ARMC2: variants seen among roughly 807,000 people sequenced by gnomAD.
The protein encoded by ARMC2 is armadillo repeat containing 2, also known as armadillo repeat-containing protein 2.
A neutral mutation model predicts 90.3 loss-of-function variants in ARMC2; 67 were observed. That is an observed-to-expected ratio of 0.74 (90% confidence interval 0.61 to 0.91). The LOEUF (loss-of-function observed/expected upper bound fraction) is 0.91. ARMC2 is among the 40% of genes least tolerant of loss of function. ARMC2 has a pLI of 0.00. For missense variants in ARMC2, 920 were observed against 1,030.9 expected, an observed-to-expected ratio of 0.89 and a Z score of 1.47; for synonymous variants, 393 against 393.0, an observed-to-expected ratio of 1.00 and a Z score of 0.00.
chr6:108,937,593 T>C (rs943914187), intron 12 of ARMC2, among the ~76,000 whole-genome samples: 5 of 152,212 alleles, frequency 3.3e-5, no homozygotes, highest in Non-Finnish European at 5.9e-5. Context: ...TTAGTTTTAA[T>C]GAATCAAGGC....
chr6:108,864,393 C>T (rs1453562751), intron 3 of ARMC2, among the ~76,000 whole-genome samples: 3 of 151,750 alleles, frequency 2.0e-5, no homozygotes, highest in Non-Finnish European at 4.4e-5. Context: ...GGACTACAGG[C>T]GCCCACCACC....
At chr6:108,858,601 G>T (rs967493565) in intron 3 of ARMC2, among the ~76,000 whole-genome samples, 3 of 150,220 alleles carry the variant, frequency 2.0e-5, no homozygotes, top group Non-Finnish European at 3.0e-5. Context: ...ACAAAAATTA[G>T]ATGTATAATT....
chr6:108,936,545 C>A (rs757076244), intron 11 of ARMC2, among the ~76,000 whole-genome samples: 1 of 152,198 alleles, frequency 6.6e-6, no homozygotes, highest in Non-Finnish European at 1.5e-5. Context: ...CGTGAGGCAC[C>A]ACGCCTGGCC....
intron 8 of ARMC2, among the ~76,000 whole-genome samples, chr6:108,909,690 C>T (rs540105913): frequency 2.6e-4 from 40 of 152,274 alleles, no homozygotes; most frequent in African/African-American, 9.6e-4. Flanking sequence ...CGCGTGCCAC[C>T]ACACCCAGCT....
intron 12 of ARMC2, among the ~76,000 whole-genome samples, chr6:108,943,817 A>C (rs1028038997): frequency 6.6e-6 from 1 of 152,200 alleles, no homozygotes; most frequent in Non-Finnish European, 1.5e-5. Context: ...CTGGTTACAC[A>C]GTGAAACCCT....
At chr6:108,961,201 G>A (rs1478406163) in intron 13 of ARMC2, among the ~76,000 whole-genome samples, 1 of 152,134 alleles carries the variant, frequency 6.6e-6, no homozygotes, top group Non-Finnish European at 1.5e-5. Flanking sequence ...CCAAGGAGGA[G>A]CCCCTGGGAG....
chr6:109,045,046 T>G, the ARMC2 span, among the ~76,000 whole-genome samples: 1 of 151,398 alleles, frequency 6.6e-6, no homozygotes, highest in Non-Finnish European at 1.5e-5. Context: ...GCTGAACTCA[T>G]CACCTTCCCC....
chr6:108,984,258 T>C, the ARMC2 span, among the ~76,000 whole-genome samples: 1 of 152,234 alleles, frequency 6.6e-6, no homozygotes. Context: ...AATGTGTAAG[T>C]CTTTTGTCTT....
chr6:109,025,842 T>C, the ARMC2 span, among the ~76,000 whole-genome samples: 1 of 151,232 alleles, frequency 6.6e-6, no homozygotes, highest in Non-Finnish European at 1.5e-5. Flanking sequence ...AAATAGAAGG[T>C]CTAATACATA....
intron 12 of ARMC2, among the ~76,000 whole-genome samples, chr6:108,938,827 A>AATAG (rs1170863854): frequency 3.9e-5 from 6 of 152,162 alleles, no homozygotes. Context: ...TAGCATTACT[A>AATAG]ATAGATACTT....
At chr6:108,897,242 G>A (rs1475844422) in intron 6 of ARMC2, among the ~76,000 whole-genome samples, 2 of 152,184 alleles carry the variant, frequency 1.3e-5, no homozygotes, top group East Asian at 3.8e-4. Flanking sequence ...AGACCCTACA[G>A]GGGTGGTACG....
the ARMC2 span, among the ~76,000 whole-genome samples, chr6:109,013,040 C>T: frequency 1.8e-4 from 28 of 151,542 alleles, no homozygotes; most frequent in African/African-American, 5.8e-4. Context: ...TGCTTGAACC[C>T]GGGAGGCAGA....
At chr6:108,857,484 T>G (rs1421348668) in intron 2 of ARMC2, among the ~76,000 whole-genome samples, 1 of 152,208 alleles carries the variant, frequency 6.6e-6, no homozygotes, top group Non-Finnish European at 1.5e-5. Context: ...CGTCCCAATC[T>G]GTATGCTTTT....
the ARMC2 span, among the ~76,000 whole-genome samples, chr6:109,011,792 C>A: frequency 2.6e-3 from 402 of 152,048 alleles, no homozygotes; most frequent in African/African-American, 9.4e-3. Flanking sequence ...CCACACCCGG[C>A]TACTTTTTAA....
At chr6:108,849,890 G>T (rs188861180) in intron 1 of ARMC2, among the ~76,000 whole-genome samples, 47 of 152,334 alleles carry the variant, frequency 3.1e-4, no homozygotes, top group Middle Eastern at 3.4e-3. Context: ...CCTTAGTCCA[G>T]CATCTAAGCA....
intron 10 of ARMC2, among the ~76,000 whole-genome samples, chr6:108,925,532 T>A (rs1475670799): frequency 6.6e-6 from 1 of 152,202 alleles, no homozygotes; most frequent in Non-Finnish European, 1.5e-5. Flanking sequence ...TATGGGGGCA[T>A]ATATGGTATG....
intron 17 of ARMC2, among the ~76,000 whole-genome samples, chr6:108,965,401 G>A (rs1330150274): frequency 8.3e-6 from 1 of 120,810 alleles, no homozygotes; most frequent in Non-Finnish European, 1.6e-5. Flanking sequence ...ATTTTCTCTA[G>A]AGTGCATAAA....
chr6:108,980,615 C>T, the ARMC2 span, among the ~76,000 whole-genome samples: 1 of 152,140 alleles, frequency 6.6e-6, no homozygotes, highest in Admixed American at 6.5e-5. Flanking sequence ...GCCCCTTCCC[C>T]CATGTGCTCT....
chr6:108,960,623 G>A (rs1777926540), intron 13 of ARMC2, among the ~76,000 whole-genome samples: 1 of 152,332 alleles, frequency 6.6e-6, no homozygotes, highest in Admixed American at 6.5e-5. Context: ...GTGGTCATAT[G>A]TGCTATGGAG....
Sources: gnomAD v4.1 joint callset for allele counts (sites outside exome capture counted in the v4.1 genomes callset) on GRCh38, gnomAD v4.1.1 for gene constraint, MANE v1.5 for transcripts, NCBI Gene and HGNC (gene_info 2026-07-23, HGNC 2026-07-21) for gene names.